Variants in PDE8B observed in about 807,000 individuals in gnomAD.
PDE8B encodes the protein phosphodiesterase 8B, also known as high affinity cAMP-specific and IBMX-insensitive 3',5'-cyclic phosphodiesterase 8B.
Under a neutral mutation model 101.3 loss-of-function variants are expected in PDE8B, and 26 were observed. That is an observed-to-expected ratio of 0.26 (90% CI 0.19 to 0.36). The LOEUF is 0.36. PDE8B is among the 10% of genes least tolerant of loss of function. The probability of loss-of-function intolerance (pLI) is 1.00; values close to 1 mark genes in which losing one functional copy is unlikely to be tolerated. For missense variants in PDE8B, 810 were observed against 1,163.1 expected, an observed-to-expected ratio of 0.70 and a Z score of 4.42; for synonymous variants, 424 against 429.3, an observed-to-expected ratio of 0.99 and a Z score of 0.15.
At chr5:77,148,428 T>C in the PDE8B span, 1 of 152,246 alleles carries the variant, frequency 6.6e-6, no homozygotes, top group East Asian at 1.9e-4. Flanking sequence ...GGTAAATGTA[T>C]GTTTAACTTT....
chr5:77,124,982 T>C, the PDE8B span, among the ~76,000 whole-genome samples: 2 of 152,136 alleles, frequency 1.3e-5, no homozygotes, highest in Non-Finnish European at 1.5e-5. Context: ...GATTTTCACG[T>C]TGTTTTGTTT....
At chr5:77,308,580 A>C (rs1247102707) in intron 1 of PDE8B, among the ~76,000 whole-genome samples, 1 of 152,164 alleles carries the variant, frequency 6.6e-6, no homozygotes, top group Non-Finnish European at 1.5e-5. Context: ...CAGGCAGAGA[A>C]CTGTTGTGGC....
intron 17 of PDE8B, among the ~76,000 whole-genome samples, chr5:77,416,748 G>A (rs904577247): frequency 1.3e-5 from 2 of 152,140 alleles, no homozygotes; most frequent in South Asian, 2.1e-4. Flanking sequence ...TCAGGGTGCC[G>A]TTGCAGGACA....
chr5:77,346,486 A>G (rs922540), intron 7 of PDE8B, among the ~76,000 whole-genome samples: 91,207 of 152,154 alleles, frequency 0.6, 27,536 homozygotes, highest in African/African-American at 0.66. Context: ...TCTAACAAAC[A>G]ACTTCTAGAA....
chr5:77,320,224 A>G (rs763872028), intron 2 of PDE8B, among the ~76,000 whole-genome samples: 6 of 152,224 alleles, frequency 3.9e-5, no homozygotes, highest in Non-Finnish European at 8.8e-5. Flanking sequence ...CATCACCCGA[A>G]AAGTGAAAAA....
the PDE8B span, among the ~76,000 whole-genome samples, chr5:77,111,328 A>G: frequency 6.6e-6 from 1 of 152,196 alleles, no homozygotes; most frequent in Non-Finnish European, 1.5e-5. Context: ...GGCTGGATGG[A>G]TGGTGCTGCC....
chr5:77,278,319 C>T (rs950004834), intron 1 of PDE8B, among the ~76,000 whole-genome samples: 1 of 152,152 alleles, frequency 6.6e-6, no homozygotes, highest in South Asian at 2.1e-4. Flanking sequence ...TTACAAATCC[C>T]TTAGGCCTTA....
At chr5:77,148,198 T>C in the PDE8B span, 1 of 152,256 alleles carries the variant, frequency 6.6e-6, no homozygotes, top group African/African-American at 2.4e-5. Flanking sequence ...CAGATCAAGT[T>C]TGTAATCTCA....
At position 77,374,813 on chromosome 5, in the gene PDE8B, C is replaced by T. The variant is rs73764852; in HGVS notation, c.1167+21407C>T. ...TGAGCACTGAAGATCGGTGAGAAGG[C>T]AGCATACACGCTTGTTCTGTCCTTC... On this transcript the variant is annotated intron_variant, in intron 10 of 21. Transcript: ENST00000264917. 6.7e-3 allele frequency among the ~76,000 whole-genome samples: 1,014 copies of T among 152,298 alleles called. 17 individuals are homozygous for T. Among genetic ancestry groups the T allele is most frequent in the African/African-American group, 0.023 (964 of 41,560 alleles).
At chr5:77,140,108 T>C in the PDE8B span, 1 of 152,242 alleles carries the variant, frequency 6.6e-6, no homozygotes, top group Non-Finnish European at 1.5e-5. Context: ...ATCCTACCGA[T>C]ATCACCAACT....
chr5:77,336,109 A>G (rs1904441), intron 5 of PDE8B, among the ~76,000 whole-genome samples: 71,814 of 152,050 alleles, frequency 0.47, 17,383 homozygotes, highest in Middle Eastern at 0.56. Flanking sequence ...GATGAATGAC[A>G]ATGTGTGCTG....
At chr5:77,353,458 T>TCTGTTCTCTGCTTATCTCACCA (rs760536612) in intron 10 of PDE8B, 52 bp downstream of exon 10, 2 of 972,494 alleles carry the variant, frequency 2.1e-6, no homozygotes, top group Non-Finnish European at 3.4e-6. Flanking sequence ...ATGCGTCACC[T>TCTGTTCTCTGCTTATCTCACCA]CTGTTCTCTG....
intron 10 of PDE8B, among the ~76,000 whole-genome samples, chr5:77,388,504 G>T (rs1462678056): frequency 6.6e-6 from 1 of 152,210 alleles, no homozygotes; most frequent in Non-Finnish European, 1.5e-5. Context: ...TGAGGTGTCT[G>T]TCGGCCCCTA....
chr5:77,104,738 T>G, the PDE8B span: 1 of 152,224 alleles, frequency 6.6e-6, no homozygotes, highest in Non-Finnish European at 1.5e-5. Flanking sequence ...AAGCAGCTAG[T>G]TGAGGATTTG....
the PDE8B span, among the ~76,000 whole-genome samples, chr5:77,196,226 G>A: frequency 2.0e-5 from 3 of 151,960 alleles, no homozygotes; most frequent in South Asian, 2.1e-4. Flanking sequence ...TCTTTGCATT[G>A]TGTTGTTACT....
chr5:77,224,060 T>C (rs749441742), intron 1 of PDE8B, among the ~76,000 whole-genome samples: 12 of 152,232 alleles, frequency 7.9e-5, no homozygotes, highest in Non-Finnish European at 1.6e-4. Flanking sequence ...AAATGGTTCT[T>C]GCTTTTCTCA....
chr5:77,134,606 T>C, the PDE8B span: 2 of 152,172 alleles, frequency 1.3e-5, no homozygotes, highest in African/African-American at 4.8e-5. Flanking sequence ...CTGTACACAA[T>C]GGGACAGGGA....
At chr5:77,097,707 CTA>C in the PDE8B span, among the ~76,000 whole-genome samples, 30 of 20,850 alleles carry the variant, frequency 1.4e-3, no homozygotes, top group African/African-American at 2.9e-3. Flanking sequence ...ATATATATAT[CTA>C]TATATATATA....
chr5:77,264,989 T>G (rs1472641576), intron 1 of PDE8B, among the ~76,000 whole-genome samples: 3 of 152,210 alleles, frequency 2.0e-5, no homozygotes, highest in Non-Finnish European at 2.9e-5. Context: ...ACTGAGCTGC[T>G]TGTGCAGGGT....
Sources: allele counts gnomAD v4.1 joint callset (sites outside exome capture counted in the v4.1 genomes callset), GRCh38; gene constraint gnomAD v4.1.1; transcripts MANE v1.5; gene names NCBI Gene and HGNC (gene_info 2026-07-23, HGNC 2026-07-21).